MAD1L1: variants seen among roughly 807,000 people sequenced by gnomAD.
MAD1L1 encodes the protein mitotic arrest deficient 1 like 1.
MAD1L1 carries 95 observed loss-of-function variants against 96.9 expected under a neutral mutation model. That is an observed-to-expected ratio of 0.98 (90% CI 0.83 to 1.16). The LOEUF (loss-of-function observed/expected upper bound fraction) is 1.16, where lower values mean the gene tolerates loss of function less well. Ranked by LOEUF, MAD1L1 falls within the 50% of genes most tolerant of loss-of-function variation. The probability of loss-of-function intolerance (pLI) is 0.00; values close to 1 mark genes in which losing one functional copy is unlikely to be tolerated. For missense variants in MAD1L1, 1,007 were observed against 954.4 expected (o/e 1.06, Z -0.73); for synonymous variants, 473 against 396.6 (o/e 1.19, Z -2.29).
chr7:2,067,406 C>G (rs1295786052), intron 12 of MAD1L1, among the ~76,000 whole-genome samples: 1 of 152,202 alleles, frequency 6.6e-6, no homozygotes, highest in East Asian at 1.9e-4. Flanking sequence ...CCAGCCCTCC[C>G]ACTCTTCCTC....
intron 18 of MAD1L1, among the ~76,000 whole-genome samples, chr7:1,871,482 A>C (rs1209388993): frequency 1.4e-5 from 2 of 144,446 alleles, no homozygotes; most frequent in African/African-American, 5.2e-5. Flanking sequence ...GCCACGCTGA[A>C]CCCAACCTAC....
chr7:2,173,417 A>G (rs1403581555), intron 10 of MAD1L1, among the ~76,000 whole-genome samples: 23 of 152,140 alleles, frequency 1.5e-4, no homozygotes, highest in Admixed American at 1.5e-3. Context: ...TGAGGCCACA[A>G]AGGAAACCAT....
At chr7:2,176,019 T>C (rs944813881) in intron 10 of MAD1L1, among the ~76,000 whole-genome samples, 1 of 152,244 alleles carries the variant, frequency 6.6e-6, no homozygotes, top group Non-Finnish European at 1.5e-5. Context: ...TCAGCCATCC[T>C]GTCTGCATTG....
chr7:2,231,213 G>A (rs377526211), intron 1 of MAD1L1, among the ~76,000 whole-genome samples: 48 of 151,776 alleles, frequency 3.2e-4, no homozygotes, highest in African/African-American at 1.1e-3. Context: ...CACAAGAATC[G>A]CTTGAAACTG....
chr7:1,954,767 C>T (rs1007534236), intron 16 of MAD1L1, among the ~76,000 whole-genome samples: 2 of 152,198 alleles, frequency 1.3e-5, no homozygotes, highest in African/African-American at 2.4e-5. Flanking sequence ...CTTTCCCCAT[C>T]TAGAGAGGGG....
At chr7:1,824,783 A>G (rs1410883476) in intron 18 of MAD1L1, among the ~76,000 whole-genome samples, 1 of 152,066 alleles carries the variant, frequency 6.6e-6, no homozygotes, top group Non-Finnish European at 1.5e-5. Context: ...TCAGGAAATC[A>G]AAGTGTTTTC....
At chr7:1,868,685 C>A (rs1473455296) in intron 18 of MAD1L1, among the ~76,000 whole-genome samples, 2 of 152,230 alleles carry the variant, frequency 1.3e-5, no homozygotes, top group Non-Finnish European at 2.9e-5. Flanking sequence ...ACACGCACTG[C>A]GTGTTCACAG....
chr7:2,172,404 A>ACAGGGCC (rs1489799705), intron 10 of MAD1L1, among the ~76,000 whole-genome samples: 6 of 152,200 alleles, frequency 3.9e-5, no homozygotes, highest in African/African-American at 1.4e-4. Flanking sequence ...TCGACTCCAC[A>ACAGGGCC]CAGGGCCCAG....
intron 11 of MAD1L1, among the ~76,000 whole-genome samples, chr7:2,135,566 T>C (rs762176481): frequency 2.0e-5 from 3 of 152,228 alleles, no homozygotes; most frequent in Non-Finnish European, 2.9e-5. Flanking sequence ...TTTTCGGTAA[T>C]TGTTTATCAT....
At chr7:1,833,278 T>C (rs1159619310) in intron 18 of MAD1L1, among the ~76,000 whole-genome samples, 2 of 152,222 alleles carry the variant, frequency 1.3e-5, no homozygotes, top group Non-Finnish European at 2.9e-5. Flanking sequence ...ATACCCAAGG[T>C]TGCTTACTGA....
chr7:1,992,424 GCT>G (rs1781395139), intron 14 of MAD1L1, among the ~76,000 whole-genome samples: 1 of 152,210 alleles, frequency 6.6e-6, no homozygotes, highest in South Asian at 2.1e-4. Flanking sequence ...GATGGCAACT[GCT>G]CTCTGGAGAA....
intron 17 of MAD1L1, among the ~76,000 whole-genome samples, chr7:1,925,013 A>G (rs1789012504): frequency 1.3e-5 from 2 of 152,200 alleles, no homozygotes; most frequent in African/African-American, 4.8e-5. Context: ...AGGCCAAATA[A>G]CCTGAAATAG....
intron 18 of MAD1L1, among the ~76,000 whole-genome samples, chr7:1,821,093 A>AGGGG (rs757288347): frequency 1.1e-4 from 3 of 27,840 alleles, no homozygotes; most frequent in African/African-American, 2.6e-4. Context: ...AAAAAAAAAA[A>AGGGG]GGGGGGGGGG....
At chr7:2,061,454 T>C (rs1248604390) in intron 12 of MAD1L1, among the ~76,000 whole-genome samples, 1 of 152,222 alleles carries the variant, frequency 6.6e-6, no homozygotes, top group African/African-American at 2.4e-5. Context: ...AGTGAGCATG[T>C]AAAAAGCAGC....
chr7:1,915,633 G>C (rs138343147), intron 17 of MAD1L1, among the ~76,000 whole-genome samples: 1 of 152,236 alleles, frequency 6.6e-6, no homozygotes, highest in Non-Finnish European at 1.5e-5. Context: ...CAAATGTGTC[G>C]CCGGCACAGA....
chr7:2,195,405 G>A (rs917115910), intron 10 of MAD1L1, among the ~76,000 whole-genome samples: 3 of 152,178 alleles, frequency 2.0e-5, no homozygotes, highest in Non-Finnish European at 4.4e-5. Flanking sequence ...TGCAGTAAAC[G>A]CTAGCAATGC....
chr7:1,945,940 C>T (rs2128469081), intron 16 of MAD1L1, among the ~76,000 whole-genome samples: 1 of 152,270 alleles, frequency 6.6e-6, no homozygotes, highest in East Asian at 1.9e-4. Flanking sequence ...CGCAAAGACC[C>T]AAGCACTTCC....
At chr7:2,202,821 GA>G (rs1232126324) in intron 10 of MAD1L1, among the ~76,000 whole-genome samples, 1 of 152,232 alleles carries the variant, frequency 6.6e-6, no homozygotes, top group Non-Finnish European at 1.5e-5. Context: ...TTCCTTAGAG[GA>G]AAATCATGCA....
intron 10 of MAD1L1, among the ~76,000 whole-genome samples, chr7:2,171,199 C>G (rs1790689913): frequency 6.6e-6 from 1 of 152,194 alleles, no homozygotes; most frequent in Non-Finnish European, 1.5e-5. Context: ...GCGTATCGTG[C>G]CAGCAGAGCG....
Sources: allele counts gnomAD v4.1 joint callset (sites outside exome capture counted in the v4.1 genomes callset), GRCh38; gene constraint gnomAD v4.1.1; transcripts MANE v1.5; gene names NCBI Gene and HGNC (gene_info 2026-07-23, HGNC 2026-07-21).